The following POM121C variants were observed in gnomAD, a reference collection of about 807,000 sequenced individuals.
POM121C encodes the protein nuclear envelope pore membrane protein POM 121C.
Under a neutral mutation model 66.4 loss-of-function variants are expected in POM121C, and 20 were observed. The ratio of observed to expected loss-of-function variants is 0.30; its 90% CI spans 0.21 to 0.44. The LOEUF is 0.44. POM121C is among the 20% of genes least tolerant of loss of function. POM121C has a pLI of 1.00. For missense variants in POM121C, 580 were observed against 1,225.7 expected, an observed-to-expected ratio of 0.47 and a Z score of 7.87; for synonymous variants, 286 against 528.0, an observed-to-expected ratio of 0.54 and a Z score of 6.28.
intron 5 of POM121C, 129 bp from the exon 6 acceptor site, chr7:75,439,353 G>C: frequency 7.4e-7 from 1 of 1,352,724 alleles, no homozygotes; most frequent in Non-Finnish European, 1.0e-6. Context: ...ACCAGAAAAT[G>C]GTTGTTTAAA....
intron 1 of POM121C, among the ~76,000 whole-genome samples, chr7:75,483,213 C>T (rs1323207892): frequency 6.6e-6 from 1 of 152,190 alleles, no homozygotes; most frequent in Non-Finnish European, 1.5e-5. Flanking sequence ...AAGAATAAGC[C>T]ATAAGTTACA....
chr7:75,467,862 G>C (rs1791720714), intron 3 of POM121C, among the ~76,000 whole-genome samples: 1 of 151,970 alleles, frequency 6.6e-6, no homozygotes, highest in African/African-American at 2.4e-5. Context: ...GGGCACTGTG[G>C]CTCATGCCTG....
intron 3 of POM121C, chr7:75,442,685 T>C (rs1328911391): frequency 1.1e-5 from 16 of 1,417,776 alleles, no homozygotes; most frequent in Non-Finnish European, 1.3e-5. Context: ...CCGCCGCCGC[T>C]CGCCTGCTCC....
intron 3 of POM121C, among the ~76,000 whole-genome samples, chr7:75,449,509 C>T (rs1476835249): frequency 2.6e-5 from 4 of 151,990 alleles, no homozygotes; most frequent in African/African-American, 9.7e-5. Flanking sequence ...AGACTATAGG[C>T]GCCCGCTGCC....
chr7:75,424,855 G>A, intron 10 of POM121C: 1 of 1,067,446 alleles, frequency 9.4e-7, no homozygotes, highest in Non-Finnish European at 1.3e-6. Flanking sequence ...AGCTACTTGG[G>A]AGGCTGAGGC....
chr7:75,482,005 C>T (rs1409290024), intron 1 of POM121C, among the ~76,000 whole-genome samples: 1 of 151,782 alleles, frequency 6.6e-6, no homozygotes, highest in Non-Finnish European at 1.5e-5. Flanking sequence ...TAGACAAATG[C>T]CACGTATGGT....
intron 1 of POM121C, among the ~76,000 whole-genome samples, chr7:75,479,018 T>C (rs587595512): frequency 3.5e-4 from 53 of 149,968 alleles, no homozygotes; most frequent in African/African-American, 1.1e-3. Context: ...ACATGTTATA[T>C]ATAGGGGAAC....
At chr7:75,431,035 C>G (rs1790153347) in intron 7 of POM121C, among the ~76,000 whole-genome samples, 2 of 124,144 alleles carry the variant, frequency 1.6e-5, no homozygotes, top group African/African-American at 3.1e-5. Context: ...CAGATCGCAT[C>G]ACTGCACTCC....
At chr7:75,437,266 T>G (rs78414237) in intron 7 of POM121C, among the ~76,000 whole-genome samples, 1 of 152,236 alleles carries the variant, frequency 6.6e-6, no homozygotes, top group Non-Finnish European at 1.5e-5. Context: ...GTCCAACAGA[T>G]AGAAGGTGAT....
intron 7 of POM121C, among the ~76,000 whole-genome samples, chr7:75,432,631 G>A (rs587608741): frequency 1.6e-4 from 25 of 152,196 alleles, no homozygotes; most frequent in African/African-American, 5.8e-4. Flanking sequence ...GTTTTTCTGT[G>A]TATTATACTC....
chr7:75,461,062 C>G (rs1359743425), intron 3 of POM121C, among the ~76,000 whole-genome samples: 1 of 152,104 alleles, frequency 6.6e-6, no homozygotes. Context: ...GGAAGAAACA[C>G]TTTGCAAAAA....
chr7:75,467,695 T>C (rs1343508784), intron 3 of POM121C, among the ~76,000 whole-genome samples: 1 of 152,136 alleles, frequency 6.6e-6, no homozygotes, highest in Non-Finnish European at 1.5e-5. Context: ...TACACATTTA[T>C]TTGTCAAATA....
rs1255765488 is a variant in POM121C, at chr7:75,416,815, T to C, written c.*1981A>G. ...ATAGATCACAGTTTTTTATTCTTAA[T>C]GTCACAAGCAGGAGAAAAATCTCAC... On this transcript the variant is annotated 3_prime_UTR_variant, in exon 15 of 15. Transcript: ENST00000615331. The C allele has an allele frequency of 3.0e-5, 45 of 1,479,884 alleles. No homozygotes were observed. Among genetic ancestry groups the C allele is most frequent in the Middle Eastern group, 1.8e-4 (1 of 5,560 alleles). The allele number at this position is 1,479,884 out of a possible 1,614,324, so 91.7% of individuals were successfully genotyped here.
At chr7:75,456,800 A>C (rs1791233418) in intron 3 of POM121C, among the ~76,000 whole-genome samples, 1 of 152,256 alleles carries the variant, frequency 6.6e-6, no homozygotes, top group Admixed American at 6.5e-5. Flanking sequence ...AGGAGATGGA[A>C]TAAGCACACC....
At position 75,422,975 on chromosome 7, in the gene POM121C, T is replaced by C. The variant is rs782254186; in HGVS notation, c.1277A>G (p.Gln426Arg). ...GGCGGGGGACGGGGCAGATGTGGCT[T>C]GGGGTTTGGTAGCCGTCTCTGCCTG... Reference protein sequence around the residue: ...TLQAETATKPQATSAPSPAPK... With the variant: ...TLQAETATKPRATSAPSPAPK... The change falls in exon 13 of 15, where the codon CAA becomes CGA. Residue 426 changes from glutamine to arginine, a missense_variant. Gln to Arg is a conservative substitution (Grantham distance 43). Transcript: ENST00000615331. The C allele has an allele frequency of 5.1e-6, 8 of 1,561,716 alleles. No homozygotes were observed. The highest frequency in any genetic ancestry group is 1.9e-5 in the Admixed American group (1 of 53,284).
chr7:75,435,239 G>A (rs1790358478), intron 7 of POM121C, among the ~76,000 whole-genome samples: 2 of 152,186 alleles, frequency 1.3e-5, no homozygotes. Context: ...TCTGTGTACT[G>A]CTATGGAATG....
intron 3 of POM121C, among the ~76,000 whole-genome samples, chr7:75,469,323 C>T (rs1791789102): frequency 6.6e-6 from 1 of 152,108 alleles, no homozygotes; most frequent in African/African-American, 2.4e-5. Flanking sequence ...GCCTTGATCT[C>T]CTGGGCTCAA....
At chr7:75,459,838 C>CAT (rs1283984196) in intron 3 of POM121C, among the ~76,000 whole-genome samples, 1 of 143,106 alleles carries the variant, frequency 7.0e-6, no homozygotes. Flanking sequence ...ACAACAATAC[C>CAT]ATAAAGAAGG....
At chr7:75,436,952 A>T (rs1394840017) in intron 7 of POM121C, among the ~76,000 whole-genome samples, 1 of 152,196 alleles carries the variant, frequency 6.6e-6, no homozygotes, top group Admixed American at 6.5e-5. Flanking sequence ...AAGTCTGTCC[A>T]GCAGCAAAGC....
Sources: allele counts gnomAD v4.1 joint callset (sites outside exome capture counted in the v4.1 genomes callset), GRCh38; gene constraint gnomAD v4.1.1; transcripts MANE v1.5; gene names NCBI Gene and HGNC (gene_info 2026-07-23, HGNC 2026-07-21).